The following RPL26 variants were observed in gnomAD, a reference collection of about 807,000 sequenced individuals.
RPL26 encodes large ribosomal subunit protein uL24.
Under a neutral mutation model 16.2 loss-of-function variants are expected in RPL26, and 1 was observed. The observed-to-expected ratio is 0.06, with a 90% CI of 0.02 to 0.29. The LOEUF (loss-of-function observed/expected upper bound fraction) is 0.29, where lower values mean the gene tolerates loss of function less well. RPL26 is among the 10% of genes least tolerant of loss of function. RPL26 has a pLI of 1.00. For synonymous variants in RPL26, 55 were observed against 62.4 expected (o/e 0.88, Z 0.56); for missense variants, 102 against 184.3 (o/e 0.55, Z 2.58).
At position 8,377,641 on chromosome 17, in the gene RPL26, G is replaced by A. The variant is rs763691423; in HGVS notation, c.361C>T (p.Arg121Trp). The A allele has an allele frequency of 4.3e-6, 7 of 1,610,348 alleles. No individual in the cohort carries two copies. Among genetic ancestry groups the A allele is most frequent in the South Asian group, 1.1e-5 (1 of 90,984 alleles). The change falls in exon 4 of 4, where the codon CGG (arginine) becomes TGG (tryptophan). Residue 121 changes from arginine (R) to tryptophan (W), a missense_variant. Transcript: ENST00000648839. ...CCTACTTGGCGAGATTTGGCTTTCC[G>A]TTCGAGGATCTTTTTGCGGTCTTTG... ...LDKDRKKILE[R>W]KAKSRQVGKE... is the part of the protein sequence containing the mutation.
chr17:8,382,689 T>C (rs1907479808), intron 1 of RPL26: 1 of 286,268 alleles, frequency 3.5e-6, no homozygotes, highest in African/African-American at 2.2e-5. Flanking sequence ...TAACCTCACG[T>C]TTTAGAAGGT....
At chr17:8,378,997 C>G (rs1036730373) in intron 3 of RPL26, 5 of 152,106 alleles carry the variant, frequency 3.3e-5, no homozygotes, top group African/African-American at 1.2e-4. Flanking sequence ...ATGTGTTTCT[C>G]AAACTTGAGT....
intron 2 of RPL26, chr17:8,381,919 G>A (rs572535023): frequency 3.1e-4 from 118 of 378,544 alleles, no homozygotes; most frequent in African/African-American, 2.2e-3. Flanking sequence ...GGACAAGAGC[G>A]AGACTTCATC....
In RPL26 at chr17:8,379,816, C is replaced by T. The variant is rs1317987533; in HGVS notation, c.289G>A (p.Val97Ile). ...REKANGTTVH[V>I]GIHPSKVVIT... ...CCTACCTTGCTGGGGTGAATGCCTA[C>T]GTGGACAGTTGTGCCATTAGCCTTT... Residue 97 changes from valine (V) to isoleucine (I), a missense_variant, in exon 3 of 4, where the codon GTA (valine) becomes ATA (isoleucine). Transcript: ENST00000648839. The T allele has an allele frequency of 1.7e-5, 27 of 1,613,016 alleles. No homozygotes were observed. The highest frequency in any genetic ancestry group is 2.1e-5 in the Non-Finnish European group (25 of 1,179,700).
intron 3 of RPL26, 190 bp downstream of exon 3, chr17:8,379,606 C>A (rs904375916): frequency 1.5e-4 from 88 of 599,420 alleles, no homozygotes; most frequent in Admixed American, 6.0e-4. Flanking sequence ...TGACCGTTAA[C>A]ACTTTGATGT....
chr17:8,379,459 C>G (rs920769922), intron 3 of RPL26: 1 of 426,698 alleles, frequency 2.3e-6, no homozygotes, highest in African/African-American at 2.0e-5. Context: ...GTAGTCACAG[C>G]TACACTCAGG....
chr17:8,379,862 G>A lies in RPL26; in HGVS notation c.243C>T (p.Tyr81=). Residue 81 remains tyrosine, a synonymous_variant, in exon 3 of 4, where the codon TAC becomes TAT. Transcript: ENST00000648839. The part of the protein sequence containing the change: ...VQVYRKKYVI[Y]IERVQREKAN... ...CCTTTTCCCGCTGCACCCGTTCAAT[G>A]TAGATAACATATTTCTTCCTGTAAA... 5 of 1,613,416 alleles carry A rather than the reference G, an allele frequency of 3.1e-6. No individual in the cohort carries two copies. Among genetic ancestry groups the A allele is most frequent in the Non-Finnish European group, 4.2e-6 (5 of 1,179,380 alleles).
chr17:8,382,102 A>C, intron 2 of RPL26, 41 bp downstream of exon 2: 1 of 1,562,932 alleles, frequency 6.4e-7, no homozygotes, highest in South Asian at 1.1e-5. Context: ...TAAGTGCGTA[A>C]AATATCCATC....
intron 1 of RPL26, chr17:8,382,763 AG>A (rs1212048024): frequency 5.0e-5 from 17 of 341,506 alleles, no homozygotes; most frequent in Non-Finnish European, 8.4e-5. Context: ...AAAATGAATA[AG>A]GCCCACCAAC....
At chr17:8,379,976 G>T in intron 2 of RPL26, 40 bp from the exon 3 acceptor site, 1 of 1,538,432 alleles carries the variant, frequency 6.5e-7, no homozygotes, top group Non-Finnish European at 8.9e-7. Context: ...TTGAATAAAA[G>T]ATTAACCTTG....
Position 8,382,334 on chromosome 17 carries a change from A to G in RPL26, c.-5-19T>C. On this transcript the variant is annotated intron_variant, in intron 1 of 3. Coordinates refer to ENST00000648839, the MANE Select transcript of RPL26 (RefSeq NM_000987.5). The stretch of plus-strand genomic sequence containing the variant: ...ATTTTGGCTAAATAAAAAGTTAAAA[A>G]GACTCTTAAATGACCAAAATCTCAT... 6.3e-7 allele frequency: 1 copy of G among 1,593,950 alleles called. No homozygotes were observed. Among genetic ancestry groups the G allele is most frequent in the Non-Finnish European group, 8.6e-7 (1 of 1,164,286 alleles).
intron 3 of RPL26, among the ~76,000 whole-genome samples, chr17:8,378,754 C>G (rs1423086914): frequency 6.6e-6 from 1 of 152,178 alleles, no homozygotes; most frequent in Admixed American, 6.5e-5. Context: ...TCCACAGTCA[C>G]TGAACTCATA....
At chr17:8,382,453 T>C (rs1260296995) in intron 1 of RPL26, 138 bp from the exon 2 acceptor site, 5 of 644,578 alleles carry the variant, frequency 7.8e-6, no homozygotes, top group Non-Finnish European at 1.3e-5. Flanking sequence ...CAAAAACTGT[T>C]TGATCGGAAG....
intron 3 of RPL26, chr17:8,379,525 G>T: frequency 1.9e-6 from 1 of 539,792 alleles, no homozygotes; most frequent in Non-Finnish European, 3.2e-6. Flanking sequence ...AGTGAGCCGA[G>T]ATTGTGCCAC....
rs1274811607 is a variant in RPL26, at chr17:8,383,166, C to T, written c.-15G>A. 1.3e-5 allele frequency: 5 copies of T among 398,618 alleles called. No individual in the cohort carries two copies. Among genetic ancestry groups the T allele is most frequent in the Admixed American group, 4.4e-5 (1 of 22,720 alleles). The allele number at this position is 398,618 out of a possible 1,614,324, so 24.7% of individuals were successfully genotyped here. A position where few individuals can be genotyped will look rare whatever the true frequency, so the allele number is the denominator to read the frequency against. The stretch of plus-strand genomic sequence containing the variant: ...CCCGCCGAATCCTTACCCGCTCCCG[C>T]TTCGGTGATGGCCGCAAAAGGGAAG... On this transcript the variant is annotated 5_prime_UTR_variant, in exon 1 of 4. Coordinates refer to ENST00000648839, the MANE Select transcript of RPL26 (RefSeq NM_000987.5).
chr17:8,383,160 C>T lies in RPL26; in HGVS notation c.-9G>A, dbSNP rs143359158. Reference sequence around the variant, plus strand: ...CGCTTGCCCGCCGAATCCTTACCCGCTCCCGCTTCGGTGATGGCCGCAAAA... The same window carrying T: ...CGCTTGCCCGCCGAATCCTTACCCGTTCCCGCTTCGGTGATGGCCGCAAAA... On this transcript the variant is annotated 5_prime_UTR_variant, in exon 1 of 4. Coordinates refer to ENST00000648839, the MANE Select transcript of RPL26 (RefSeq NM_000987.5). 1 of 398,744 alleles carries T rather than the reference C, an allele frequency of 2.5e-6. No homozygotes were observed. Among genetic ancestry groups the T allele is most frequent in the Non-Finnish European group, 4.4e-6 (1 of 226,124 alleles). The allele number at this position is 398,744 out of a possible 1,614,324, so 24.7% of individuals were successfully genotyped here.
chr17:8,377,813 ATTTTAAC>A lies in RPL26; in HGVS notation c.310-128_310-122del, dbSNP rs1257435215. ...GTAGGTGGATGCCTAATAAGAAAAGATTTTAACTTTTAAAAAACTCCAGAAATCACTC... is the reference window on the plus strand; with the variant it reads ...GTAGGTGGATGCCTAATAAGAAAAGATTTTAAAAAACTCCAGAAATCACTC... On this transcript the variant is annotated intron_variant, in intron 3 of 3. Transcript: ENST00000648839. 4.9e-5 allele frequency: 42 copies of A among 849,362 alleles called. 1 individual carries two copies. Among genetic ancestry groups the A allele is most frequent in the Non-Finnish European group, 5.9e-5 (35 of 589,600 alleles). 52.6% of individuals were successfully genotyped at this position (849,362 alleles called of 1,614,324 possible).
intron 1 of RPL26, 84 bp from the exon 2 acceptor site, chr17:8,382,399 T>C (rs1907465411): frequency 1.0e-6 from 1 of 983,432 alleles, no homozygotes; most frequent in Non-Finnish European, 1.5e-6. Flanking sequence ...TTTATCTTGA[T>C]AGTCTAGAAT....
At chr17:8,380,151 T>C in intron 2 of RPL26, 1 of 536,038 alleles carries the variant, frequency 1.9e-6, no homozygotes, top group Non-Finnish European at 3.3e-6. Flanking sequence ...TCTGAACCCA[T>C]TAATGTGTGC....
Sources: allele counts gnomAD v4.1 joint callset (sites outside exome capture counted in the v4.1 genomes callset), GRCh38; gene constraint gnomAD v4.1.1; transcripts MANE v1.5; gene names NCBI Gene and HGNC (gene_info 2026-07-23, HGNC 2026-07-21).